SUPT3H: variants seen among roughly 807,000 people sequenced by gnomAD.
The protein encoded by SUPT3H is transcription initiation protein SPT3 homolog.
A neutral mutation model predicts 44.3 loss-of-function variants in SUPT3H; 44 were observed. That is an observed-to-expected ratio of 0.99 (90% CI 0.78 to 1.28). The LOEUF (loss-of-function observed/expected upper bound fraction) is 1.28, where lower values mean the gene tolerates loss of function less well. Ranked by LOEUF, SUPT3H falls within the 50% of genes most tolerant of loss-of-function variation. SUPT3H has a pLI of 0.00. For synonymous variants in SUPT3H, 124 were observed against 125.6 expected, an observed-to-expected ratio of 0.99 and a Z score of 0.09; for missense variants, 380 against 387.1, an observed-to-expected ratio of 0.98 and a Z score of 0.15.
At chr6:45,363,411 G>A (rs1794600203) in intron 2 of SUPT3H, among the ~76,000 whole-genome samples, 1 of 152,106 alleles carries the variant, frequency 6.6e-6, no homozygotes, top group East Asian at 1.9e-4. Context: ...GGAGAGTAGG[G>A]AGAAAGGTTA....
At chr6:44,866,436 T>C (rs1775515256) in intron 10 of SUPT3H, among the ~76,000 whole-genome samples, 2 of 152,080 alleles carry the variant, frequency 1.3e-5, no homozygotes, top group Non-Finnish European at 2.9e-5. Context: ...CTAGGTAATA[T>C]GTTGAGATCC....
At chr6:45,377,082 T>A (rs901757461) in intron 1 of SUPT3H, among the ~76,000 whole-genome samples, 3 of 146,052 alleles carry the variant, frequency 2.1e-5, no homozygotes, top group Non-Finnish European at 4.7e-5. Flanking sequence ...AGTGTCCTGA[T>A]TCTCTGAGAA....
chr6:44,816,328 G>C (rs1318051665), intron 11 of SUPT3H, among the ~76,000 whole-genome samples: 2 of 152,116 alleles, frequency 1.3e-5, no homozygotes, highest in Non-Finnish European at 2.9e-5. Flanking sequence ...AGGATTATAA[G>C]ATAATTTAAT....
chr6:45,162,886 T>C (rs1245372611), intron 2 of SUPT3H, among the ~76,000 whole-genome samples: 1 of 152,172 alleles, frequency 6.6e-6, no homozygotes. Flanking sequence ...CACTTAAATA[T>C]AAGATTATTT....
At chr6:45,100,540 T>TAAAAAA in intron 3 of SUPT3H, among the ~76,000 whole-genome samples, 1 of 12,126 alleles carries the variant, frequency 8.2e-5, no homozygotes, top group Non-Finnish European at 1.3e-4. Context: ...GACCCTGTAC[T>TAAAAAA]TAAAAAAAAA....
intron 3 of SUPT3H, among the ~76,000 whole-genome samples, chr6:45,062,496 C>T (rs1792284625): frequency 1.3e-5 from 2 of 152,146 alleles, no homozygotes; most frequent in South Asian, 4.1e-4. Context: ...GTCTACAGCT[C>T]CCAGCGTGAG....
At chr6:45,192,377 G>T (rs1380422337) in intron 2 of SUPT3H, among the ~76,000 whole-genome samples, 1 of 152,066 alleles carries the variant, frequency 6.6e-6, no homozygotes, top group Non-Finnish European at 1.5e-5. Flanking sequence ...ATCTGATTAA[G>T]CACAAGAATT....
At chr6:45,351,665 C>T (rs755047075) in intron 2 of SUPT3H, among the ~76,000 whole-genome samples, 1 of 152,050 alleles carries the variant, frequency 6.6e-6, no homozygotes, top group African/African-American at 2.4e-5. Context: ...ATCCCTTCTC[C>T]CTCCCCATTT....
rs1057318762 is a variant in SUPT3H at position 45,095,815 on chromosome 6, G to A, written c.186+10107C>T. ...ACAACTCAAACATAATTTGCAGTTG[G>A]CACAAATCTCTACTTACTTCAAATG... On this transcript the variant is annotated intron_variant, in intron 3 of 10. Transcript: ENST00000371459. The surrounding 1 kb of genome is among the most constrained non-coding windows in gnomAD (Gnocchi z 4.1). Among the ~76,000 whole-genome samples, 2 of 152,074 alleles carry A rather than the reference G, an allele frequency of 1.3e-5. No homozygotes were observed. The highest frequency in any genetic ancestry group is 2.4e-5 in the African/African-American group (1 of 41,418).
At chr6:45,259,853 C>T (rs1321433352) in intron 2 of SUPT3H, among the ~76,000 whole-genome samples, 1 of 152,134 alleles carries the variant, frequency 6.6e-6, no homozygotes, top group African/African-American at 2.4e-5. Flanking sequence ...TGCAGTTAAT[C>T]TGATGGAAAG....
At chr6:45,099,006 G>A (rs376675308) in intron 3 of SUPT3H, 1 of 389,586 alleles carries the variant, frequency 2.6e-6, no homozygotes, top group East Asian at 7.7e-5. Flanking sequence ...ACTGCCATGA[G>A]CTCTTCCTCC....
chr6:45,315,814 A>T (rs1158633246), intron 2 of SUPT3H, among the ~76,000 whole-genome samples: 1 of 152,200 alleles, frequency 6.6e-6, no homozygotes, highest in Non-Finnish European at 1.5e-5. Context: ...TTATTCTAAA[A>T]AGATACTTGC....
chr6:45,217,233 T>G (rs1255214043), intron 2 of SUPT3H, among the ~76,000 whole-genome samples: 7 of 152,070 alleles, frequency 4.6e-5, no homozygotes, highest in Admixed American at 4.6e-4. Flanking sequence ...TCCCAGCACT[T>G]TGGGAGGCCG....
intron 10 of SUPT3H, among the ~76,000 whole-genome samples, chr6:44,843,390 C>G (rs543484427): frequency 6.6e-6 from 1 of 152,048 alleles, no homozygotes; most frequent in Non-Finnish European, 1.5e-5. Context: ...ACCATTAATA[C>G]CAGCTGAAAT....
chr6:45,276,414 T>C (rs1777028144), intron 2 of SUPT3H, among the ~76,000 whole-genome samples: 1 of 152,104 alleles, frequency 6.6e-6, no homozygotes, highest in South Asian at 2.1e-4. Flanking sequence ...TGCACTAAAA[T>C]AGTTATTGTT....
At chr6:44,941,457 C>T (rs1211167305) in intron 9 of SUPT3H, among the ~76,000 whole-genome samples, 1 of 152,056 alleles carries the variant, frequency 6.6e-6, no homozygotes, top group East Asian at 1.9e-4. Flanking sequence ...TCGAAAATGC[C>T]ATCCCATTAT....
intron 2 of SUPT3H, among the ~76,000 whole-genome samples, chr6:45,188,602 C>A (rs956502742): frequency 1.3e-5 from 2 of 152,136 alleles, no homozygotes; most frequent in Non-Finnish European, 2.9e-5. Flanking sequence ...GGAATTTATT[C>A]CAGGCATGCA....
intron 2 of SUPT3H, among the ~76,000 whole-genome samples, chr6:45,302,983 C>A (rs536519234): frequency 6.6e-6 from 1 of 152,036 alleles, no homozygotes; most frequent in Non-Finnish European, 1.5e-5. Flanking sequence ...TACTTACAGT[C>A]AACTGATCTT....
chr6:45,152,112 T>A (rs1562560274), intron 2 of SUPT3H, among the ~76,000 whole-genome samples: 1 of 152,128 alleles, frequency 6.6e-6, no homozygotes, highest in East Asian at 1.9e-4. Flanking sequence ...CTGGACTCTC[T>A]GATCCCACTG....
Sources: allele counts gnomAD v4.1 joint callset (sites outside exome capture counted in the v4.1 genomes callset), GRCh38; gene constraint gnomAD v4.1.1; non-coding constraint Gnocchi (gnomAD v3.1); transcripts MANE v1.5; gene names NCBI Gene and HGNC (gene_info 2026-07-23, HGNC 2026-07-21).